Variants in ANKRD11 observed in about 807,000 individuals in gnomAD.
The protein encoded by ANKRD11 is ankyrin repeat domain 11, also known as ankyrin repeat domain-containing protein 11.
A neutral mutation model predicts 195.7 loss-of-function variants in ANKRD11; 17 were observed. That is an observed-to-expected ratio of 0.09 (90% CI 0.06 to 0.13). The LOEUF is 0.13. Ranked by LOEUF, ANKRD11 falls within the 10% of genes least tolerant of loss-of-function variation. The pLI is 1.00. For synonymous variants in ANKRD11, 1,953 were observed against 1,528.1 expected (o/e 1.28, Z -6.49); for missense variants, 3,735 against 3,566.1 (o/e 1.05, Z -1.21).
chr16:89,487,925 G>A (rs1054274486), intron 1 of ANKRD11, among the ~76,000 whole-genome samples: 2 of 148,506 alleles, frequency 1.3e-5, no homozygotes, highest in South Asian at 2.2e-4. Flanking sequence ...GCAGCCGCTC[G>A]TCATCAACAG....
rs545451342 is a variant in ANKRD11 at position 89,450,756 on chromosome 16, A to C, written c.-144-32388T>G. ...AAGCAATCCTCCTACCCCAGCCTCC[A>C]AAACTGGCGGGATTACAGGCGTGAG... On this transcript the variant is annotated intron_variant, in intron 1 of 12. Transcript: ENST00000301030. 4.6e-5 allele frequency among the ~76,000 whole-genome samples: 7 copies of C among 152,262 alleles called. No individual in the cohort carries two copies. The South Asian group carries it at 1.5e-3, about 32-fold the overall frequency.
intron 2 of ANKRD11, among the ~76,000 whole-genome samples, chr16:89,325,722 G>A (rs1002363002): frequency 6.6e-6 from 1 of 152,198 alleles, no homozygotes; most frequent in Admixed American, 6.5e-5. Context: ...CTGGGTGGAC[G>A]TTTGGGTTCT....
chr16:89,339,980 G>C (rs1271743677), intron 2 of ANKRD11: 1 of 152,318 alleles, frequency 6.6e-6, no homozygotes, highest in East Asian at 1.9e-4. Flanking sequence ...TATCTGTGTG[G>C]ATACAGGCAG....
chr16:89,442,020 G>C (rs972169532), intron 1 of ANKRD11, among the ~76,000 whole-genome samples: 1 of 152,106 alleles, frequency 6.6e-6, no homozygotes, highest in Non-Finnish European at 1.5e-5. Flanking sequence ...GCAAAATCAG[G>C]GTTAGCTGTG....
rs1381132846 is a variant in ANKRD11 at position 89,281,340 on chromosome 16, G to A, written c.5202C>T (p.Asp1734=). Residue 1734 remains aspartate, a synonymous_variant, in exon 9 of 13, where the codon GAC becomes GAT. Coordinates refer to ENST00000301030, the MANE Select transcript of ANKRD11 (RefSeq NM_013275.6). This position sits in a 1 kb window ranked among gnomAD's most constrained non-coding sequence, Gnocchi z 5.5. ...GCGAGTCGGCGCAGTCGAACACGAG[G>A]TCCGCGTAGTCATCGGCGCTGCAGG... The part of the protein sequence containing the change: ...TPSCSADDYA[D]LVFDCADSQH... 6.2e-7 allele frequency: 1 copy of A among 1,612,738 alleles called. No individual in the cohort carries two copies. Among genetic ancestry groups the A allele is most frequent in the Non-Finnish European group, 8.5e-7 (1 of 1,178,920 alleles).
intron 4 of ANKRD11, among the ~76,000 whole-genome samples, chr16:89,296,380 G>A (rs1162599783): frequency 6.6e-6 from 1 of 152,058 alleles, no homozygotes. Context: ...CTCCTCCACA[G>A]CTCCCCGCTT....
At chr16:89,441,489 C>G (rs371710303) in intron 1 of ANKRD11, among the ~76,000 whole-genome samples, 1 of 151,918 alleles carries the variant, frequency 6.6e-6, no homozygotes, top group Admixed American at 6.6e-5. Context: ...CAAACCTGGC[C>G]GGGCGCGGTG....
intron 2 of ANKRD11, among the ~76,000 whole-genome samples, chr16:89,405,661 C>G (rs1567759062): frequency 6.6e-6 from 1 of 152,104 alleles, no homozygotes; most frequent in Non-Finnish European, 1.5e-5. Flanking sequence ...ATCAGCCTTC[C>G]TGACTGCTGC....
In ANKRD11 at chr16:89,282,545, TGTC is replaced by T. The variant is rs1481077814; in HGVS notation, c.3994_3996del (p.Asp1332del). ...GGGAGGCAGGCGCTCTCCCTCGGCT[TGTC>T]GTCTCCAGGTGGCTCCGTGAAAGAG... is the stretch of plus-strand genomic sequence containing the variant. On this transcript the variant is annotated inframe_deletion, in exon 9 of 13. Transcript: ENST00000301030. 7 of 1,613,950 alleles carry T rather than the reference TGTC, an allele frequency of 4.3e-6. No homozygotes were observed. In the South Asian group the frequency reaches 6.6e-5, roughly 15 times the overall value.
intron 2 of ANKRD11, among the ~76,000 whole-genome samples, chr16:89,342,552 G>A (rs374144759): frequency 1.3e-5 from 2 of 152,252 alleles, no homozygotes; most frequent in African/African-American, 2.4e-5. Flanking sequence ...AGCACACCAC[G>A]TGCCTGAGCA....
chr16:89,351,060 G>A (rs1057141650), intron 2 of ANKRD11, among the ~76,000 whole-genome samples: 5 of 152,116 alleles, frequency 3.3e-5, no homozygotes, highest in African/African-American at 7.2e-5. Context: ...TCCCCCGACC[G>A]CTATTAAAAT....
At chr16:89,463,020 A>C (rs1317937278) in intron 1 of ANKRD11, among the ~76,000 whole-genome samples, 12 of 136,322 alleles carry the variant, frequency 8.8e-5, no homozygotes, top group South Asian at 2.5e-4. Flanking sequence ...GCCCCCCGCC[A>C]GGCCAGCCGC....
intron 1 of ANKRD11, among the ~76,000 whole-genome samples, chr16:89,433,965 A>T (rs2043106858): frequency 6.6e-6 from 1 of 152,218 alleles, no homozygotes; most frequent in Non-Finnish European, 1.5e-5. Context: ...AGAAGGGGAC[A>T]TGGACACTGG....
intron 1 of ANKRD11, among the ~76,000 whole-genome samples, chr16:89,455,292 C>T (rs973833230): frequency 5.3e-5 from 8 of 151,066 alleles, no homozygotes; most frequent in African/African-American, 1.9e-4. Context: ...TAGCGTTCCT[C>T]AAGCTGCTTC....
chr16:89,331,160 G>T (rs1388516238), intron 2 of ANKRD11, among the ~76,000 whole-genome samples: 4 of 152,128 alleles, frequency 2.6e-5, no homozygotes, highest in Admixed American at 2.6e-4. Flanking sequence ...CGCCATGTTG[G>T]CCAGGCTGGT....
chr16:89,325,968 C>T (rs2037691748), intron 2 of ANKRD11, among the ~76,000 whole-genome samples: 1 of 152,170 alleles, frequency 6.6e-6, no homozygotes, highest in African/African-American at 2.4e-5. Context: ...CTAGCCATGC[C>T]CAATACACAC....
chr16:89,451,757 A>T (rs533030426), intron 1 of ANKRD11, among the ~76,000 whole-genome samples: 1 of 152,312 alleles, frequency 6.6e-6, no homozygotes, highest in East Asian at 1.9e-4. Flanking sequence ...TTAACTAAAA[A>T]TCACTGAACG....
intron 2 of ANKRD11, among the ~76,000 whole-genome samples, chr16:89,328,604 G>C (rs2037864593): frequency 6.6e-6 from 1 of 151,220 alleles, no homozygotes; most frequent in South Asian, 2.1e-4. Flanking sequence ...TGAATCTGCA[G>C]AGGCCCCTGC....
chr16:89,405,330 G>A (rs983723604), intron 2 of ANKRD11, among the ~76,000 whole-genome samples: 5 of 152,072 alleles, frequency 3.3e-5, no homozygotes, highest in Non-Finnish European at 4.4e-5. Flanking sequence ...AGTCACATAG[G>A]TAACTGTTTT....
Sources: gnomAD v4.1 joint callset for allele counts (sites outside exome capture counted in the v4.1 genomes callset) on GRCh38, gnomAD v4.1.1 for gene constraint, Gnocchi (gnomAD v3.1) non-coding constraint, MANE v1.5 for transcripts, NCBI Gene and HGNC (gene_info 2026-07-23, HGNC 2026-07-21) for gene names.